The following TREML4 variants were observed in gnomAD, a reference collection of about 807,000 sequenced individuals.
TREML4 encodes the protein triggering receptor expressed on myeloid cells like 4.
TREML4 carries 25 observed loss-of-function variants against 25.4 expected under a neutral mutation model. That is an observed-to-expected ratio of 0.98 (90% CI 0.72 to 1.37). The LOEUF is 1.37. TREML4 is among the 40% of genes most tolerant of loss of function. The pLI is 0.00. For missense variants in TREML4, 268 were observed against 236.5 expected (o/e 1.13, Z -0.87); for synonymous variants, 92 against 87.9 (o/e 1.05, Z -0.26).
Position 41,228,413 on chromosome 6 carries a change from C to G in TREML4, c.-15C>G, listed in dbSNP as rs1021612298. The stretch of plus-strand genomic sequence containing the variant: ...TTCTCCTCTCCTCCGCTGTCAGAAA[C>G]AGATCTGGGCTGGAATGGCCTGGGG... On this transcript the variant is annotated 5_prime_UTR_variant, in exon 1 of 6. Coordinates refer to ENST00000341495, the MANE Select transcript of TREML4 (RefSeq NM_198153.3). 35 of 1,603,186 alleles carry G rather than the reference C, an allele frequency of 2.2e-5. No homozygotes were observed. Among genetic ancestry groups the G allele is most frequent in the Non-Finnish European group, 2.9e-5 (34 of 1,174,778 alleles).
At position 41,228,369 on chromosome 6, in the gene TREML4, C is replaced by CTT. The variant is rs1766717162; in HGVS notation, c.-59_-58insTT. The stretch of plus-strand genomic sequence containing the variant: ...GAATCAGACCCAGCGTCTGACTCCT[C>CTT]CTGAGAGGGCTCCCTTTTTTCTCCT... On this transcript the variant is annotated 5_prime_UTR_variant, in exon 1 of 6. Transcript: ENST00000341495. 1 of 1,324,264 alleles carries CTT rather than the reference C, an allele frequency of 7.6e-7. No homozygotes were observed. Among genetic ancestry groups the CTT allele is most frequent in the Admixed American group, 2.4e-5 (1 of 42,292 alleles). The allele number at this position is 1,324,264 out of a possible 1,614,324, so 82.0% of individuals were successfully genotyped here. A position where few individuals can be genotyped will look rare whatever the true frequency, so the allele number is the denominator to read the frequency against.
At chr6:41,236,651 G>A (rs1344968571) in intron 5 of TREML4, 34 bp downstream of exon 5, 2 of 1,245,672 alleles carry the variant, frequency 1.6e-6, no homozygotes, top group Non-Finnish European at 2.3e-6. Context: ...GGGGGCAATG[G>A]AGCTGGGGCC....
chr6:41,229,257 A>G (rs941560060), intron 2 of TREML4, among the ~76,000 whole-genome samples: 2 of 152,098 alleles, frequency 1.3e-5, no homozygotes, highest in African/African-American at 4.8e-5. Flanking sequence ...GTACCCTCAG[A>G]GGTCCCTGGA....
At chr6:41,229,917 T>G in intron 3 of TREML4, 145 bp from the exon 4 acceptor site, 6 of 718,400 alleles carry the variant, frequency 8.4e-6, no homozygotes, top group Non-Finnish European at 2.5e-6. Flanking sequence ...GTTATGGAGA[T>G]CTCAGGCCTC....
In TREML4 at chr6:41,228,735, C is replaced by A. The variant is rs1216443652; in HGVS notation, c.85C>A (p.His29Asn). The A allele has an allele frequency of 2.5e-6, 4 of 1,613,488 alleles. No homozygotes were observed. Among genetic ancestry groups the A allele is most frequent in the Non-Finnish European group, 3.4e-6 (4 of 1,179,666 alleles). ...AAAGGGTGCTGTGCCTGAAGAACTTCACAAACACCCAGGACAGACCCTCCT... is the reference window on the plus strand; with the variant it reads ...AAAGGGTGCTGTGCCTGAAGAACTTAACAAACACCCAGGACAGACCCTCCT... ...WPQGAVPEELHKHPGQTLLLQ... is the reference protein window; with the variant it reads ...WPQGAVPEELNKHPGQTLLLQ... Residue 29 changes from histidine (H) to asparagine (N), a missense_variant, in exon 2 of 6, where the codon CAC becomes AAC. Physicochemically the swap from His to Asn is moderately conservative, Grantham distance 68. Coordinates refer to ENST00000341495, the MANE Select transcript of TREML4 (RefSeq NM_198153.3).
intron 5 of TREML4, 52 bp downstream of exon 5, chr6:41,236,669 G>C (rs1766910639): frequency 9.6e-7 from 1 of 1,046,486 alleles, no homozygotes; most frequent in East Asian, 2.5e-5. Context: ...GCCAGATTCT[G>C]TTCCTAGAAA....
chr6:41,228,564 C>A, intron 1 of TREML4, 74 bp downstream of exon 1: 1 of 1,538,146 alleles, frequency 6.5e-7, no homozygotes, highest in Non-Finnish European at 8.8e-7. Flanking sequence ...AGCAGCATGG[C>A]TGTGTGACCA....
At position 41,237,778 on chromosome 6, in the gene TREML4, A is replaced by G. The variant is rs960124762; in HGVS notation, c.*759A>G. On this transcript the variant is annotated 3_prime_UTR_variant, in exon 6 of 6. Transcript: ENST00000341495. ...GACTCAGTGGCCCAAAACAGGACCC[A>G]GAACATTCATCCGTAAATGGAATCT... 3 of 152,254 alleles carry G rather than the reference A, an allele frequency of 2.0e-5. No homozygotes were observed. Among genetic ancestry groups the G allele is most frequent in the African/African-American group, 7.2e-5 (3 of 41,466 alleles). 9.4% of individuals were successfully genotyped at this position (152,254 alleles called of 1,614,324 possible).
chr6:41,228,508 A>T lies in TREML4; in HGVS notation c.63+18A>T, dbSNP rs537985664. 2.5e-5 allele frequency: 40 copies of T among 1,610,674 alleles called. No individual in the cohort carries two copies. In the East Asian group the frequency reaches 8.9e-4, roughly 36 times the overall value. On this transcript the variant is annotated intron_variant, in intron 1 of 5. Coordinates refer to ENST00000341495, the MANE Select transcript of TREML4 (RefSeq NM_198153.3). Reference sequence around the variant, plus strand: ...GGCCTCAGGTGACATGGAGGGAAAGAGTGCAGGGGGTGTAAGGAGTGGGAT... The same window carrying T: ...GGCCTCAGGTGACATGGAGGGAAAGTGTGCAGGGGGTGTAAGGAGTGGGAT...
Position 41,237,535 on chromosome 6 carries a change from C to T in TREML4, c.*516C>T, listed in dbSNP as rs1289361861. 2 of 152,220 alleles carry T rather than the reference C, an allele frequency of 1.3e-5. No homozygotes were observed. Among genetic ancestry groups the T allele is most frequent in the East Asian group, 1.9e-4 (1 of 5,186 alleles). 9.4% of individuals were successfully genotyped at this position (152,220 alleles called of 1,614,324 possible). A position where few individuals can be genotyped will look rare whatever the true frequency, so the allele number is the denominator to read the frequency against. On this transcript the variant is annotated 3_prime_UTR_variant, in exon 6 of 6. Transcript: ENST00000341495. ...CCTCTTGTGCTTAATTAAATTCAAC[C>T]TCTGAACTGAAATGTGTCAGGGGCA... is the stretch of plus-strand genomic sequence containing the variant.
rs115000001 is a variant in TREML4 at position 41,231,189 on chromosome 6, A to G, written c.506+1067A>G. On this transcript the variant is annotated intron_variant, in intron 4 of 5. Coordinates refer to ENST00000341495, the MANE Select transcript of TREML4 (RefSeq NM_198153.3). ...TACAACATGATAATAATAGAAATAA[A>G]GTGCACAATAAATATAATGTGCTTT... 1,979 of 316,728 alleles carry G rather than the reference A, an allele frequency of 6.2e-3. 41 individuals carry two copies. Among genetic ancestry groups the G allele is most frequent in the African/African-American group, 0.039 (1,830 of 46,832 alleles). 19.6% of individuals were successfully genotyped at this position (316,728 alleles called of 1,614,324 possible).
intron 4 of TREML4, 65 bp downstream of exon 4, chr6:41,230,187 A>T (rs1285118644): frequency 7.3e-7 from 1 of 1,373,898 alleles, no homozygotes; most frequent in Non-Finnish European, 1.0e-6. Context: ...TAGCTCCTGA[A>T]CCTTGGAATC....
chr6:41,230,717 A>C (rs759972651), intron 4 of TREML4, among the ~76,000 whole-genome samples: 6 of 152,216 alleles, frequency 3.9e-5, no homozygotes, highest in African/African-American at 7.2e-5. Context: ...GCACGGGTAG[A>C]TTACAAACAG....
chr6:41,229,778 C>G (rs1825406), intron 3 of TREML4: 495,099 of 645,658 alleles, frequency 0.77, 192,964 homozygotes, highest in East Asian at 0.87. Flanking sequence ...TCGCCATGTT[C>G]TCACGATGAT....
intron 2 of TREML4, among the ~76,000 whole-genome samples, chr6:41,229,297 T>C (rs1450577597): frequency 6.6e-6 from 1 of 151,962 alleles, no homozygotes; most frequent in Admixed American, 6.5e-5. Context: ...TCACTCTGCG[T>C]CTCTCTTTGT....
chr6:41,235,090 T>A (rs1424166423), intron 4 of TREML4, among the ~76,000 whole-genome samples: 1 of 152,028 alleles, frequency 6.6e-6, no homozygotes, highest in African/African-American at 2.4e-5. Context: ...TTAATATAAG[T>A]AAACCAAATT....
chr6:41,236,035 A>T (rs1441376900), intron 4 of TREML4, among the ~76,000 whole-genome samples: 2 of 152,072 alleles, frequency 1.3e-5, no homozygotes, highest in Non-Finnish European at 2.9e-5. Flanking sequence ...AACAGACAGG[A>T]GGTCTAGGTC....
At position 41,228,943 on chromosome 6, in the gene TREML4, A is replaced by C; in HGVS notation, c.293A>C (p.Gln98Pro). Residue 98 changes from glutamine to proline, a missense_variant, in exon 2 of 6, where the codon CAG becomes CCG. Physicochemically the swap from Gln to Pro is moderately conservative, Grantham distance 76. Coordinates refer to ENST00000341495, the MANE Select transcript of TREML4 (RefSeq NM_198153.3). ...NAGFFNITMI[Q>P]LTQNDSGFYW... ...GGCTTCTTCAACATCACCATGATTCAGCTGACACAGAATGACTCGGGATTC... is the reference window on the plus strand; with the variant it reads ...GGCTTCTTCAACATCACCATGATTCCGCTGACACAGAATGACTCGGGATTC... 1.9e-6 allele frequency: 3 copies of C among 1,614,054 alleles called. No homozygotes were observed. The highest frequency in any genetic ancestry group is 2.5e-6 in the Non-Finnish European group (3 of 1,179,894).
chr6:41,229,943 G>T, intron 3 of TREML4, 119 bp from the exon 4 acceptor site: 1 of 846,422 alleles, frequency 1.2e-6, no homozygotes. Flanking sequence ...CCCTTAGCCT[G>T]AGGGACCCTT....
Sources: allele counts gnomAD v4.1 joint callset (sites outside exome capture counted in the v4.1 genomes callset), GRCh38; gene constraint gnomAD v4.1.1; transcripts MANE v1.5; gene names NCBI Gene and HGNC (gene_info 2026-07-23, HGNC 2026-07-21).